WWOX: variants seen among roughly 807,000 people sequenced by gnomAD.
WWOX encodes the protein WW domain containing oxidoreductase, also known as WW domain-containing oxidoreductase.
WWOX carries 69 observed loss-of-function variants against 46.2 expected under a neutral mutation model. The observed-to-expected ratio is 1.49, with a 90% CI of 1.23 to 1.82. The LOEUF (loss-of-function observed/expected upper bound fraction) is 1.82. WWOX is among the 40% of genes most tolerant of loss of function. The probability of loss-of-function intolerance (pLI) is 0.00; values close to 1 mark genes in which losing one functional copy is unlikely to be tolerated. For synonymous variants in WWOX, 359 were observed against 202.6 expected (o/e 1.77, Z -6.56); for missense variants, 919 against 542.6 (o/e 1.69, Z -6.89).
chr16:79,093,659 C>A (rs565343283), intron 8 of WWOX, among the ~76,000 whole-genome samples: 1 of 152,178 alleles, frequency 6.6e-6, no homozygotes, highest in Non-Finnish European at 1.5e-5. Context: ...TTACTTTTAC[C>A]GCACACTTCC....
Position 78,149,623 on chromosome 16 carries a change from A to G in WWOX, c.410-14560A>G, listed in dbSNP as rs577726655. On this transcript the variant is annotated intron_variant, in intron 4 of 8. Transcript: ENST00000566780. ...TGTTGATGAAACAGGTGGTATTTGG[A>G]CCACTTCTCCCTCTTTCCGGACAGC... is the stretch of plus-strand genomic sequence containing the variant. Among the ~76,000 whole-genome samples the G allele has an allele frequency of 2.0e-5, 3 of 152,274 alleles. No individual in the cohort carries two copies. In the East Asian group the frequency reaches 5.8e-4, roughly 29 times the overall value.
chr16:79,198,001 C>A, intron 8 of WWOX, among the ~76,000 whole-genome samples: 2 of 152,178 alleles, frequency 1.3e-5, no homozygotes, highest in Middle Eastern at 6.8e-3. Flanking sequence ...ATCAATTGGT[C>A]ATCTACCAAA....
At chr16:78,714,115 T>C (rs985568160) in intron 8 of WWOX, among the ~76,000 whole-genome samples, 11 of 152,150 alleles carry the variant, frequency 7.2e-5, no homozygotes, top group African/African-American at 2.7e-4. Flanking sequence ...CTAGAATAAG[T>C]CCGTCTCACG....
At chr16:79,004,816 C>G (rs991430701) in intron 8 of WWOX, 1 of 152,204 alleles carries the variant, frequency 6.6e-6, no homozygotes, top group African/African-American at 2.4e-5. Flanking sequence ...AAAGGCACAG[C>G]AGGCACTTGG....
chr16:78,420,949 T>C (rs2082913705), intron 6 of WWOX, among the ~76,000 whole-genome samples: 1 of 152,192 alleles, frequency 6.6e-6, no homozygotes, highest in Admixed American at 6.5e-5. Context: ...AATTTCCTGC[T>C]TTTTCAATTA....
intron 8 of WWOX, among the ~76,000 whole-genome samples, chr16:79,193,498 G>C (rs2051177742): frequency 6.6e-6 from 1 of 152,198 alleles, no homozygotes; most frequent in Non-Finnish European, 1.5e-5. Flanking sequence ...GATGCCTTCT[G>C]CTCCCTTCTT....
At chr16:78,730,197 A>G (rs765301614) in intron 8 of WWOX, among the ~76,000 whole-genome samples, 4 of 152,142 alleles carry the variant, frequency 2.6e-5, no homozygotes, top group Non-Finnish European at 5.9e-5. Flanking sequence ...CTCTGGTTAC[A>G]TATGGTCAAG....
At chr16:79,117,007 C>G (rs905003457) in intron 8 of WWOX, among the ~76,000 whole-genome samples, 2 of 151,974 alleles carry the variant, frequency 1.3e-5, no homozygotes, top group Non-Finnish European at 2.9e-5. Context: ...CATCAGAGCT[C>G]TTAGGTACGA....
intron 5 of WWOX, among the ~76,000 whole-genome samples, chr16:78,191,817 C>T (rs1378704409): frequency 2.0e-5 from 3 of 152,132 alleles, no homozygotes; most frequent in Non-Finnish European, 4.4e-5. Context: ...GAACAGTTCT[C>T]AGAATTTACA....
At chr16:78,616,906 G>A (rs2046039200) in intron 8 of WWOX, among the ~76,000 whole-genome samples, 1 of 152,122 alleles carries the variant, frequency 6.6e-6, no homozygotes, top group Admixed American at 6.5e-5. Flanking sequence ...TATAAATTTT[G>A]GGGGGACACA....
At chr16:78,816,852 A>C (rs1164332882) in intron 8 of WWOX, among the ~76,000 whole-genome samples, 1 of 152,116 alleles carries the variant, frequency 6.6e-6, no homozygotes, top group African/African-American at 2.4e-5. Context: ...AATCTATTTC[A>C]GTTTCCAAAA....
chr16:78,300,968 C>A (rs1466374349), intron 5 of WWOX, among the ~76,000 whole-genome samples: 3 of 152,134 alleles, frequency 2.0e-5, no homozygotes, highest in African/African-American at 7.2e-5. Context: ...ACCCATCCAT[C>A]CATACATTTA....
chr16:78,400,865 C>A (rs981481233), intron 6 of WWOX, among the ~76,000 whole-genome samples: 1 of 152,182 alleles, frequency 6.6e-6, no homozygotes, highest in Non-Finnish European at 1.5e-5. Context: ...GCTCTGTCAC[C>A]CAGACTGGTG....
In WWOX at chr16:78,941,451, C is replaced by T. The variant is rs193095192; in HGVS notation, c.1057-270157C>T. 1.3e-4 allele frequency among the ~76,000 whole-genome samples: 19 copies of T among 150,888 alleles called. No homozygotes were observed. The East Asian group carries it at 2.5e-3, about 20-fold the overall frequency. On this transcript the variant is annotated intron_variant, in intron 8 of 8. Coordinates refer to ENST00000566780, the MANE Select transcript of WWOX (RefSeq NM_016373.4). ...TCGTAAGCGCATCATTACCTTCCTC[C>T]GAACAAAGTCCTTTTTTTTTTTTTG...
chr16:78,670,609 A>G (rs1194032746), intron 8 of WWOX, among the ~76,000 whole-genome samples: 1 of 152,082 alleles, frequency 6.6e-6, no homozygotes, highest in African/African-American at 2.4e-5. Context: ...TGTCCCCCCA[A>G]ATTCGTGTCT....
chr16:78,711,576 G>A (rs529096831), intron 8 of WWOX, among the ~76,000 whole-genome samples: 6 of 152,272 alleles, frequency 3.9e-5, no homozygotes, highest in South Asian at 2.1e-4. Flanking sequence ...AGCAGATGAC[G>A]GAATGATAAA....
At chr16:78,787,006 G>A (rs2050473640) in intron 8 of WWOX, among the ~76,000 whole-genome samples, 1 of 152,158 alleles carries the variant, frequency 6.6e-6, no homozygotes, top group Admixed American at 6.5e-5. Flanking sequence ...AAATTAGCCA[G>A]GTGTGGTGCT....
chr16:78,849,348 G>A (rs942458277), intron 8 of WWOX, among the ~76,000 whole-genome samples: 1 of 150,448 alleles, frequency 6.6e-6, no homozygotes, highest in Non-Finnish European at 1.5e-5. Flanking sequence ...AGGCGGGGGG[G>A]ATCACGAGGT....
At chr16:79,012,239 A>ATT (rs146494644) in intron 8 of WWOX, among the ~76,000 whole-genome samples, 1 of 151,538 alleles carries the variant, frequency 6.6e-6, no homozygotes, top group African/African-American at 2.4e-5. Context: ...TGACATCTTA[A>ATT]TTTTTCTTTT....
Sources: allele counts gnomAD v4.1 joint callset (sites outside exome capture counted in the v4.1 genomes callset), GRCh38; gene constraint gnomAD v4.1.1; transcripts MANE v1.5; gene names NCBI Gene and HGNC (gene_info 2026-07-23, HGNC 2026-07-21).